CEP128: variants seen among roughly 807,000 people sequenced by gnomAD.
CEP128 encodes centrosomal protein 128.
A neutral mutation model predicts 156.7 loss-of-function variants in CEP128; 132 were observed. The observed-to-expected ratio is 0.84, with a 90% CI of 0.73 to 0.97. The LOEUF is 0.97. CEP128 is among the 50% of genes least tolerant of loss of function. The probability of loss-of-function intolerance (pLI) is 0.00; values close to 1 mark genes in which losing one functional copy is unlikely to be tolerated. For synonymous variants in CEP128, 469 were observed against 448.9 expected, an observed-to-expected ratio of 1.04 and a Z score of -0.57; for missense variants, 1,252 against 1,281.9, an observed-to-expected ratio of 0.98 and a Z score of 0.36.
In CEP128 at chr14:80,793,658, T is replaced by C. The variant is rs118169274; in HGVS notation, c.1210-548A>G. Among the ~76,000 whole-genome samples the C allele has an allele frequency of 1.4e-4, 21 of 152,310 alleles. No individual in the cohort carries two copies. The East Asian group carries it at 3.7e-3, about 27-fold the overall frequency. On this transcript the variant is annotated intron_variant, in intron 13 of 24. Transcript: ENST00000555265. Reference sequence around the variant, plus strand: ...TTCCAGATAAACCAACATAATATTATACATTGAAGCACTTATCTCAAGCTG... The same window carrying C: ...TTCCAGATAAACCAACATAATATTACACATTGAAGCACTTATCTCAAGCTG...
At chr14:80,530,685 G>A (rs976372490) in intron 22 of CEP128, 124 bp downstream of exon 22, 3 of 547,666 alleles carry the variant, frequency 5.5e-6, no homozygotes, top group Non-Finnish European at 9.5e-6. Context: ...AAGGTGGTAT[G>A]TTAAAAGTTC....
At chr14:80,849,579 A>G (rs1886785719) in intron 9 of CEP128, among the ~76,000 whole-genome samples, 1 of 152,226 alleles carries the variant, frequency 6.6e-6, no homozygotes, top group Non-Finnish European at 1.5e-5. Context: ...TATATAAGAA[A>G]TAACAGCTTT....
intron 12 of CEP128, among the ~76,000 whole-genome samples, 174 bp from the exon 13 acceptor site, chr14:80,831,468 A>G (rs1885795663): frequency 1.3e-5 from 2 of 152,236 alleles, no homozygotes; most frequent in African/African-American, 2.4e-5. Context: ...TTTCAAAAAC[A>G]TATACATTGC....
At chr14:80,493,696 C>T (rs1887399959), downstream of CEP128, among the ~76,000 whole-genome samples, 2 of 152,136 alleles carry the variant, frequency 1.3e-5, no homozygotes, top group African/African-American at 4.8e-5. Flanking sequence ...TAGACTCGGC[C>T]CTTACAGTGT....
intron 6 of CEP128, among the ~76,000 whole-genome samples, chr14:80,902,445 T>C (rs1229948582): frequency 6.6e-6 from 1 of 152,196 alleles, no homozygotes; most frequent in African/African-American, 2.4e-5. Context: ...ATGCATTTGA[T>C]TGTGTTGTCT....
At chr14:80,797,855 A>G (rs1182120964) in intron 13 of CEP128, among the ~76,000 whole-genome samples, 5 of 152,206 alleles carry the variant, frequency 3.3e-5, no homozygotes, top group Non-Finnish European at 5.9e-5. Flanking sequence ...AATGCACTAC[A>G]TGAAATGCTA....
chr14:80,870,542 C>G (rs228124), intron 8 of CEP128, among the ~76,000 whole-genome samples: 1 of 151,698 alleles, frequency 6.6e-6, no homozygotes, highest in African/African-American at 2.4e-5. Flanking sequence ...ATTCAACATC[C>G]TTTCATGATA....
At chr14:80,727,576 AAC>A (rs1803741795) in intron 19 of CEP128, among the ~76,000 whole-genome samples, 4 of 152,130 alleles carry the variant, frequency 2.6e-5, no homozygotes, top group Non-Finnish European at 4.4e-5. Flanking sequence ...AGAAACTATC[AAC>A]AAACAGACAA....
intron 19 of CEP128, among the ~76,000 whole-genome samples, chr14:80,615,860 TAAATAAATAAATAAA>T (rs1190511351): frequency 4.6e-4 from 3 of 6,480 alleles, no homozygotes; most frequent in Non-Finnish European, 1.0e-3. Context: ...AATAAATAAA[TAAATAAATAAATAAA>T]TAAATAAATA....
chr14:80,566,267 G>A (rs1890903852), intron 20 of CEP128, among the ~76,000 whole-genome samples: 1 of 152,022 alleles, frequency 6.6e-6, no homozygotes, highest in African/African-American at 2.4e-5. Flanking sequence ...AAACCCTATA[G>A]AATGAAATAC....
intron 23 of CEP128, among the ~76,000 whole-genome samples, chr14:80,519,314 C>T (rs369944562): frequency 2.4e-4 from 36 of 152,292 alleles, no homozygotes; most frequent in African/African-American, 8.7e-4. Flanking sequence ...GCTGTTCCAA[C>T]CTGACTAAAT....
chr14:80,959,080 C>T (rs568763025), intron 1 of CEP128, among the ~76,000 whole-genome samples: 2 of 152,132 alleles, frequency 1.3e-5, no homozygotes, highest in African/African-American at 4.8e-5. Context: ...CATATCCCAG[C>T]CCCGTGGTCT....
chr14:80,819,853 C>G (rs1885071885), intron 13 of CEP128, among the ~76,000 whole-genome samples: 3 of 151,900 alleles, frequency 2.0e-5, no homozygotes, highest in African/African-American at 7.3e-5. Flanking sequence ...TCTTAACAGG[C>G]CTTAAATCAA....
chr14:80,624,671 T>C (rs1408596764), intron 19 of CEP128, among the ~76,000 whole-genome samples: 4 of 152,096 alleles, frequency 2.6e-5, no homozygotes, highest in Non-Finnish European at 4.4e-5. Context: ...TCTCTGATGA[T>C]TGGTGATGTT....
At chr14:80,533,581 A>C (rs1443265289) in intron 21 of CEP128, among the ~76,000 whole-genome samples, 1 of 152,128 alleles carries the variant, frequency 6.6e-6, no homozygotes, top group African/African-American at 2.4e-5. Context: ...TGTATATTCA[A>C]ACGGCTATGT....
chr14:80,933,967 T>G (rs766720551), intron 2 of CEP128, among the ~76,000 whole-genome samples: 42 of 152,220 alleles, frequency 2.8e-4, no homozygotes, highest in Non-Finnish European at 2.9e-4. Flanking sequence ...GAGACTCTGA[T>G]GCCAGGGAGG....
At chr14:80,779,710 G>T (rs1031064839) in intron 15 of CEP128, among the ~76,000 whole-genome samples, 2 of 152,042 alleles carry the variant, frequency 1.3e-5, no homozygotes, top group Admixed American at 1.3e-4. Flanking sequence ...ATAAATCAAG[G>T]GTTTTCCACC....
intron 2 of CEP128, among the ~76,000 whole-genome samples, chr14:80,925,747 C>A (rs1885108474): frequency 6.6e-6 from 1 of 152,040 alleles, no homozygotes; most frequent in Non-Finnish European, 1.5e-5. Context: ...AAACCACAAA[C>A]CCTTTGAAAG....
At chr14:80,814,537 C>T (rs1457156555) in intron 13 of CEP128, among the ~76,000 whole-genome samples, 1 of 151,974 alleles carries the variant, frequency 6.6e-6, no homozygotes, top group Non-Finnish European at 1.5e-5. Flanking sequence ...TATCTGGAAA[C>T]TGTCCTAAGG....
Sources: allele counts gnomAD v4.1 joint callset (sites outside exome capture counted in the v4.1 genomes callset), GRCh38; gene constraint gnomAD v4.1.1; transcripts MANE v1.5; gene names NCBI Gene and HGNC (gene_info 2026-07-23, HGNC 2026-07-21).